The following TBC1D8 variants were observed in gnomAD, a reference collection of about 807,000 sequenced individuals.
TBC1D8 encodes the protein BUB2-like protein 1.
TBC1D8 carries 65 observed loss-of-function variants against 118.8 expected under a neutral mutation model. The observed-to-expected ratio is 0.55, with a 90% CI of 0.45 to 0.67. TBC1D8 has a LOEUF of 0.67. Among genes scored for constraint, TBC1D8 ranks in the 30% least tolerant of loss-of-function variants. TBC1D8 has a pLI of 0.00. For synonymous variants in TBC1D8, 566 were observed against 595.8 expected (o/e 0.95, Z 0.73); for missense variants, 1,376 against 1,471.2 (o/e 0.94, Z 1.06).
At chr2:101,030,234 G>A (rs1680588768) in intron 11 of TBC1D8, among the ~76,000 whole-genome samples, 1 of 152,156 alleles carries the variant, frequency 6.6e-6, no homozygotes, top group African/African-American at 2.4e-5. Flanking sequence ...TTAATAAAAT[G>A]AAAATGCAAG....
At chr2:101,121,974 G>A (rs1483671239) in intron 1 of TBC1D8, among the ~76,000 whole-genome samples, 1 of 152,040 alleles carries the variant, frequency 6.6e-6, no homozygotes, top group Non-Finnish European at 1.5e-5. Flanking sequence ...GCTGGGGCAA[G>A]AGAACTGCTT....
At chr2:101,114,531 CT>C (rs1677736356) in intron 1 of TBC1D8, among the ~76,000 whole-genome samples, 1 of 152,168 alleles carries the variant, frequency 6.6e-6, no homozygotes, top group South Asian at 2.1e-4. Flanking sequence ...GGATTCTGAT[CT>C]TGAAATCCGA....
chr2:101,063,349 AAAAC>A (rs1371137670), intron 2 of TBC1D8, among the ~76,000 whole-genome samples: 1 of 152,244 alleles, frequency 6.6e-6, no homozygotes, highest in Non-Finnish European at 1.5e-5. Flanking sequence ...TTCTAAAACA[AAAAC>A]AAACCCACAC....
rs775843251 is a variant in TBC1D8, at chr2:101,038,505, C to A, written c.1231G>T (p.Ala411Ser). The A allele has an allele frequency of 1.9e-6, 3 of 1,613,682 alleles. No homozygotes were observed. The highest frequency in any genetic ancestry group is 2.5e-6 in the Non-Finnish European group (3 of 1,179,866). The change falls in exon 7 of 20, where the codon GCC (alanine) becomes TCC (serine). Residue 411 changes from alanine (A) to serine (S), a missense_variant. By Grantham distance (99) the Ala-to-Ser change is moderately conservative. Transcript: ENST00000409318. ...GTGTCGTAGTGCACGGGGTGGTTGG[C>A]GTGGACCTGCTTCAACCTCGCAAGC... The part of the protein sequence containing the change: ...ALLARLKQVH[A>S]NHPVHYDTSA...
chr2:101,068,653 C>T (rs1368047403), intron 2 of TBC1D8: 1 of 507,068 alleles, frequency 2.0e-6, no homozygotes, highest in South Asian at 2.1e-5. Flanking sequence ...GGCAAATAAC[C>T]CACTGGATGA....
rs1034098267 is a variant in TBC1D8 at position 101,022,291 on chromosome 2, C to T, written c.2751G>A (p.Val917=). 1.2e-6 allele frequency: 2 copies of T among 1,613,576 alleles called. No individual in the cohort carries two copies. Among genetic ancestry groups the T allele is most frequent in the East Asian group, 2.2e-5 (1 of 44,884 alleles). The change falls in exon 16 of 20, where the codon GTG becomes GTA. Residue 917 remains valine, a synonymous_variant. Transcript: ENST00000409318. ...MDQLIEFKAF[V]SCLDIMYNGE... ...CCCACAGAGGCATACCGAGGCAGCT[C>T]ACAAACGCTTTGAACTCGATGAGCT... is the stretch of plus-strand genomic sequence containing the variant.
intron 1 of TBC1D8, among the ~76,000 whole-genome samples, chr2:101,125,746 A>G (rs1382757471): frequency 6.6e-6 from 1 of 152,256 alleles, no homozygotes; most frequent in Admixed American, 6.5e-5. Context: ...ACTTAAGGAT[A>G]TCTAAATGTA....
At chr2:101,086,075 G>A (rs1255558139) in intron 2 of TBC1D8, among the ~76,000 whole-genome samples, 1 of 150,732 alleles carries the variant, frequency 6.6e-6, no homozygotes, top group Non-Finnish European at 1.5e-5. Flanking sequence ...CTGGGAGGCA[G>A]AGGTTTCAGT....
chr2:101,023,207 C>T (rs566128550), intron 15 of TBC1D8, among the ~76,000 whole-genome samples: 38 of 149,440 alleles, frequency 2.5e-4, no homozygotes, highest in Admixed American at 1.3e-3. Context: ...TGCAGTGGCG[C>T]GATCTCAGCT....
At position 101,062,915 on chromosome 2, in the gene TBC1D8, C is replaced by T. The variant is rs756818830; in HGVS notation, c.284-3376G>A. On this transcript the variant is annotated intron_variant, in intron 2 of 19. Transcript: ENST00000409318. The stretch of plus-strand genomic sequence containing the variant: ...TTGGCCTCCCAAAGTGCTGGGATTA[C>T]AGGAGTGAGCCACCGCGCCCAGCCC... Among the ~76,000 whole-genome samples the T allele has an allele frequency of 3.8e-4, 58 of 152,304 alleles. 1 individual carries two copies. Among genetic ancestry groups the T allele is most frequent in the Non-Finnish European group, 4.4e-5 (3 of 68,014 alleles).
intron 1 of TBC1D8, among the ~76,000 whole-genome samples, chr2:101,137,102 G>A (rs529779424): frequency 6.0e-4 from 89 of 148,346 alleles, no homozygotes; most frequent in African/African-American, 1.9e-3. Flanking sequence ...GCGCGATCTC[G>A]GCTCATCACA....
chr2:101,027,256 G>C (rs1680389589), intron 15 of TBC1D8, 127 bp downstream of exon 15: 4 of 773,086 alleles, frequency 5.2e-6, no homozygotes, highest in Admixed American at 2.3e-5. Context: ...AGCTTCAAGG[G>C]GGGCAGCTCC....
intron 4 of TBC1D8, among the ~76,000 whole-genome samples, 199 bp from the exon 5 acceptor site, chr2:101,050,840 C>G (rs1682028573): frequency 6.6e-6 from 1 of 152,160 alleles, no homozygotes; most frequent in Non-Finnish European, 1.5e-5. Flanking sequence ...GTTTGCTGTA[C>G]AGATTATTTC....
intron 1 of TBC1D8, among the ~76,000 whole-genome samples, chr2:101,132,224 T>A (rs570731621): frequency 6.6e-5 from 10 of 152,324 alleles, no homozygotes; most frequent in African/African-American, 1.9e-4. Flanking sequence ...AATATAATGA[T>A]ACAATATGAT....
intron 1 of TBC1D8, among the ~76,000 whole-genome samples, chr2:101,109,032 T>G (rs1677410084): frequency 6.6e-6 from 1 of 152,208 alleles, no homozygotes; most frequent in African/African-American, 2.4e-5. Flanking sequence ...AAGTTTATTT[T>G]TTTAAGAAGT....
chr2:101,131,758 C>T (rs932661175), intron 1 of TBC1D8, among the ~76,000 whole-genome samples: 1 of 151,626 alleles, frequency 6.6e-6, no homozygotes, highest in Non-Finnish European at 1.5e-5. Flanking sequence ...GAGCTTGCGG[C>T]GAGCCAAGAT....
At chr2:101,081,941 C>T (rs1459974775) in intron 2 of TBC1D8, among the ~76,000 whole-genome samples, 1 of 152,148 alleles carries the variant, frequency 6.6e-6, no homozygotes, top group Non-Finnish European at 1.5e-5. Flanking sequence ...AAGTTCAAGA[C>T]CAGCCTGACC....
At chr2:101,096,796 G>GGAGAGAGA (rs139584234) in intron 1 of TBC1D8, among the ~76,000 whole-genome samples, 3,578 of 146,558 alleles carry the variant, frequency 0.024, 63 homozygotes, top group Middle Eastern at 0.052. Context: ...AGAGAGAGGG[G>GGAGAGAGA]GAGAGAGAGA....
intron 1 of TBC1D8, among the ~76,000 whole-genome samples, chr2:101,113,700 T>C (rs533025625): frequency 7.9e-5 from 12 of 152,204 alleles, no homozygotes; most frequent in African/African-American, 2.2e-4. Flanking sequence ...GAGAAAAACA[T>C]ATAAATAAGA....
Sources: allele counts gnomAD v4.1 joint callset (sites outside exome capture counted in the v4.1 genomes callset), GRCh38; gene constraint gnomAD v4.1.1; transcripts MANE v1.5; gene names NCBI Gene and HGNC (gene_info 2026-07-23, HGNC 2026-07-21).